RSPH14: variants seen among roughly 807,000 people sequenced by gnomAD.
The protein encoded by RSPH14 is rhabdoid tumor deletion region gene 1.
Under a neutral mutation model 26.7 loss-of-function variants are expected in RSPH14, and 20 were observed. That is an observed-to-expected ratio of 0.75 (90% CI 0.53 to 1.09). RSPH14 has a LOEUF of 1.09. RSPH14 is among the 50% of genes least tolerant of loss of function. The pLI is 0.00. For synonymous variants in RSPH14, 177 were observed against 189.3 expected (o/e 0.93, Z 0.53); for missense variants, 449 against 457.2 (o/e 0.98, Z 0.16).
At chr22:23,171,217 T>C in the RSPH14 span, among the ~76,000 whole-genome samples, 2 of 152,092 alleles carry the variant, frequency 1.3e-5, no homozygotes, top group Non-Finnish European at 2.9e-5. Flanking sequence ...CCACCCACTG[T>C]GGCCTCCCAA....
chr22:23,079,021 C>T (rs2146264445), intron 4 of RSPH14, among the ~76,000 whole-genome samples: 1 of 152,338 alleles, frequency 6.6e-6, no homozygotes, highest in Non-Finnish European at 1.5e-5. Context: ...CGATTCCTCA[C>T]TCAGTCACTA....
chr22:23,135,906 T>A (rs1257865765), intron 3 of RSPH14: 1 of 152,656 alleles, frequency 6.6e-6, no homozygotes, highest in Admixed American at 6.5e-5. Flanking sequence ...TGAGAATGCA[T>A]GTGCAAACCC....
chr22:23,156,262 C>T, the RSPH14 span: 1 of 472,796 alleles, frequency 2.1e-6, no homozygotes, highest in South Asian at 2.3e-5. Flanking sequence ...TGGGTGCTGG[C>T]TTTAAGTCTC....
At chr22:23,150,177 G>A in the RSPH14 span, 1 of 1,578,392 alleles carries the variant, frequency 6.3e-7, no homozygotes, top group African/African-American at 1.3e-5. Context: ...GGTGTGGGAT[G>A]GGGGAGCAGG....
At position 23,134,085 on chromosome 22, in the gene RSPH14, C is replaced by G. The variant is rs754131972; in HGVS notation, c.362G>C (p.Ser121Thr). Residue 121 changes from serine to threonine, a missense_variant, in exon 4 of 7, where the codon AGC becomes ACC. By Grantham distance (58) the Ser-to-Thr change is moderately conservative. Coordinates refer to ENST00000216036, the MANE Select transcript of RSPH14 (RefSeq NM_014433.3). ...LALSFLLNDP[S>T]PVCRGNLYKA... Reference sequence around the variant, plus strand: ...GTACAGGTTCCCCCGGCAGACTGGGCTGGGGTCATTCAGCAGGAAGGACAG... The same window carrying G: ...GTACAGGTTCCCCCGGCAGACTGGGGTGGGGTCATTCAGCAGGAAGGACAG... The G allele has an allele frequency of 2.5e-6, 4 of 1,613,676 alleles. No homozygotes were observed. Among genetic ancestry groups the G allele is most frequent in the Non-Finnish European group, 2.5e-6 (3 of 1,179,732 alleles).
At chr22:23,145,214 G>A (rs1039966415), upstream of RSPH14, 1 of 741,156 alleles carries the variant, frequency 1.3e-6, no homozygotes, top group African/African-American at 1.8e-5. Context: ...CCCACCCAGG[G>A]CTCAGGCTCC....
chr22:23,165,434 G>A, the RSPH14 span, among the ~76,000 whole-genome samples: 1 of 152,204 alleles, frequency 6.6e-6, no homozygotes, highest in South Asian at 2.1e-4. Flanking sequence ...GTTTGGGGCT[G>A]GAGGATATGT....
chr22:23,161,268 G>A, the RSPH14 span, among the ~76,000 whole-genome samples: 2 of 152,068 alleles, frequency 1.3e-5, no homozygotes, highest in Non-Finnish European at 2.9e-5. Context: ...CAGGCTGGGC[G>A]TCCCAGGCTC....
chr22:23,096,486 C>T (rs991798395), intron 4 of RSPH14: 2 of 1,498,090 alleles, frequency 1.3e-6, no homozygotes, highest in African/African-American at 1.4e-5. Context: ...CAAGAGGACT[C>T]GTGAGGTCCA....
At chr22:23,067,313 A>G (rs1057431640) in intron 4 of RSPH14, among the ~76,000 whole-genome samples, 2 of 152,170 alleles carry the variant, frequency 1.3e-5, no homozygotes, top group African/African-American at 4.8e-5. Flanking sequence ...GAGTGGGCTC[A>G]GTCACCACCA....
intron 4 of RSPH14, among the ~76,000 whole-genome samples, chr22:23,073,601 CCTTTCGTGCGAACACCGCCAGGGGAGGCG>C (rs1302297979): frequency 6.6e-6 from 1 of 152,196 alleles, no homozygotes; most frequent in Non-Finnish European, 1.5e-5. Context: ...ACATTTTGGC[CCTTTCGTGCGAACACCGCCAGGGGAGGCG>C]CTTCACAGGA....
chr22:23,116,026 C>T (rs983583774), intron 4 of RSPH14, among the ~76,000 whole-genome samples: 1 of 152,248 alleles, frequency 6.6e-6, no homozygotes. Flanking sequence ...GCCCTGAGGC[C>T]GCTGGGGTCC....
chr22:23,089,990 G>A (rs934408983), intron 4 of RSPH14, among the ~76,000 whole-genome samples: 2 of 152,158 alleles, frequency 1.3e-5, no homozygotes, highest in African/African-American at 4.8e-5. Context: ...CCTGGTGCCT[G>A]GCCCTATGTC....
chr22:23,145,242 G>GCCCCCCCCCCCC, upstream of RSPH14: 1 of 837,616 alleles, frequency 1.2e-6, no homozygotes, highest in South Asian at 1.6e-5. Flanking sequence ...GGCCTCCATA[G>GCCCCCCCCCCCC]CCCCGCCCAC....
At chr22:23,094,789 T>G (rs1391776383) in intron 4 of RSPH14, among the ~76,000 whole-genome samples, 1 of 152,174 alleles carries the variant, frequency 6.6e-6, no homozygotes, top group East Asian at 1.9e-4. Context: ...ACCCAGCTCC[T>G]GCGGGGGTAA....
At chr22:23,104,182 G>A (rs1351456954) in intron 4 of RSPH14, among the ~76,000 whole-genome samples, 2 of 152,324 alleles carry the variant, frequency 1.3e-5, no homozygotes, top group East Asian at 3.9e-4. Flanking sequence ...ACAGAGCTAT[G>A]CACAGTGCCC....
intron 4 of RSPH14, among the ~76,000 whole-genome samples, chr22:23,087,849 C>T (rs1289069282): frequency 3.9e-5 from 6 of 152,200 alleles, no homozygotes. Context: ...CAATATTTCT[C>T]AAGCACTGAT....
the RSPH14 span, among the ~76,000 whole-genome samples, chr22:23,178,856 C>G: frequency 6.6e-6 from 1 of 152,182 alleles, no homozygotes. Flanking sequence ...CAGGACAGCT[C>G]AGAGCAGGGA....
chr22:23,061,926 T>C lies in RSPH14; in HGVS notation c.673A>G (p.Lys225Glu). 1 of 1,614,088 alleles carries C rather than the reference T, an allele frequency of 6.2e-7. No homozygotes were observed. The highest frequency in any genetic ancestry group is 8.5e-7 in the Non-Finnish European group (1 of 1,180,010). ...LNVSISREGK[K>E]QVCHFDVIPI... ...ATGACGTCAAAATGACACACCTGTT[T>C]CTTGCCCTCTCGAGATATGCTGGGG... Residue 225 changes from lysine (K) to glutamate (E), a missense_variant, in exon 6 of 7, where the codon AAA (lysine) becomes GAA (glutamate). Lys to Glu is a moderately conservative substitution (Grantham distance 56). Transcript: ENST00000216036.
Sources: allele counts gnomAD v4.1 joint callset (sites outside exome capture counted in the v4.1 genomes callset), GRCh38; gene constraint gnomAD v4.1.1; transcripts MANE v1.5; gene names NCBI Gene and HGNC (gene_info 2026-07-23, HGNC 2026-07-21).